PCED1B: variants seen among roughly 807,000 people sequenced by gnomAD.
The protein encoded by PCED1B is PC-esterase domain containing 1B, also known as PC-esterase domain-containing protein 1B.
For missense variants in PCED1B, 573 were observed against 573.9 expected (o/e 1.00, Z 0.02); for synonymous variants, 251 against 246.1 (o/e 1.02, Z -0.19).
At chr12:47,179,137 C>T (rs1389046190) in intron 2 of PCED1B, among the ~76,000 whole-genome samples, 1 of 152,176 alleles carries the variant, frequency 6.6e-6, no homozygotes, top group Admixed American at 6.5e-5. Flanking sequence ...GAGGTTGCAA[C>T]CACAATTTAG....
intron 2 of PCED1B, among the ~76,000 whole-genome samples, chr12:47,177,270 C>T (rs76857934): frequency 3.9e-5 from 6 of 152,184 alleles, no homozygotes; most frequent in Non-Finnish European, 5.9e-5. Flanking sequence ...GCAGTGCCTA[C>T]CTAAATGATT....
At chr12:47,225,229 G>A (rs1347755769) in intron 3 of PCED1B, among the ~76,000 whole-genome samples, 1 of 152,166 alleles carries the variant, frequency 6.6e-6, no homozygotes, top group East Asian at 1.9e-4. Flanking sequence ...ACTGCACCCA[G>A]CCTGGCAATT....
chr12:47,122,372 G>A lies in PCED1B; in HGVS notation c.-526+18177G>A, dbSNP rs140801103. 5.5e-4 allele frequency among the ~76,000 whole-genome samples: 83 copies of A among 152,290 alleles called. 1 individual carries two copies. In the East Asian group the frequency reaches 0.013, roughly 24 times the overall value. The stretch of plus-strand genomic sequence containing the variant: ...AATGTGTCTCCCTGATGGGCAGAAA[G>A]CCAACTGGATCCATATACTCCCTTG... On this transcript the variant is annotated intron_variant, in intron 2 of 3. Transcript: ENST00000546455.
At position 47,235,588 on chromosome 12, in the gene PCED1B, T is replaced by G; in HGVS notation, c.525T>G (p.Gly175=). 1 of 1,604,784 alleles carries G rather than the reference T, an allele frequency of 6.2e-7. No homozygotes were observed. The highest frequency in any genetic ancestry group is 8.5e-7 in the Non-Finnish European group (1 of 1,174,818). The change falls in exon 4 of 4, where the codon GGT becomes GGG. Residue 175 remains glycine (G), a synonymous_variant. Coordinates refer to ENST00000546455, the MANE Select transcript of PCED1B (RefSeq NM_138371.3). ...CTGTGGGCGAGGAAGTCACCGGGGGTTTTCTTCCGCCCAAGCTCCGGCGGC... is the reference window on the plus strand; with the variant it reads ...CTGTGGGCGAGGAAGTCACCGGGGGGTTTCTTCCGCCCAAGCTCCGGCGGC... ...AMPVGEEVTG[G]FLPPKLRRQK... is the part of the protein sequence containing the mutation.
At chr12:47,113,589 A>G (rs997798263) in intron 2 of PCED1B, among the ~76,000 whole-genome samples, 8 of 152,216 alleles carry the variant, frequency 5.3e-5, no homozygotes, top group African/African-American at 1.9e-4. Flanking sequence ...GCTTCAGACA[A>G]TCAGATTTTA....
At chr12:47,158,268 G>T (rs1941258604) in intron 2 of PCED1B, among the ~76,000 whole-genome samples, 1 of 152,148 alleles carries the variant, frequency 6.6e-6, no homozygotes, top group Admixed American at 6.5e-5. Flanking sequence ...AATGCACAAG[G>T]GTTCCAATTT....
At chr12:47,145,429 A>G (rs1184861622) in intron 2 of PCED1B, among the ~76,000 whole-genome samples, 2 of 152,232 alleles carry the variant, frequency 1.3e-5, no homozygotes, top group African/African-American at 4.8e-5. Flanking sequence ...TACACTAAAC[A>G]AGATTTTCAG....
intron 2 of PCED1B, among the ~76,000 whole-genome samples, chr12:47,176,495 T>C (rs1200594469): frequency 6.6e-6 from 1 of 152,228 alleles, no homozygotes; most frequent in Non-Finnish European, 1.5e-5. Context: ...GCTGAACACA[T>C]GGAGGTGCTG....
chr12:47,225,880 C>G (rs528214080), intron 3 of PCED1B, among the ~76,000 whole-genome samples: 30 of 151,806 alleles, frequency 2.0e-4, no homozygotes, highest in Non-Finnish European at 4.1e-4. Context: ...CTTCTTGTAA[C>G]TAAAGATCAA....
chr12:47,093,456 G>C (rs189832720), intron 1 of PCED1B, among the ~76,000 whole-genome samples: 326 of 150,730 alleles, frequency 2.2e-3, no homozygotes, highest in African/African-American at 7.6e-3. Context: ...TATGTTCCTT[G>C]GTTTTTGCTT....
intron 2 of PCED1B, among the ~76,000 whole-genome samples, chr12:47,143,217 G>A (rs978068675): frequency 6.6e-6 from 1 of 152,070 alleles, no homozygotes; most frequent in South Asian, 2.1e-4. Context: ...CCTAGCCAGA[G>A]CAGTTAGGCA....
chr12:47,165,007 T>C (rs1461152023), intron 2 of PCED1B, among the ~76,000 whole-genome samples: 1 of 152,196 alleles, frequency 6.6e-6, no homozygotes, highest in Non-Finnish European at 1.5e-5. Context: ...TCTGGCTTCC[T>C]CTGGTAGCTG....
intron 2 of PCED1B, among the ~76,000 whole-genome samples, chr12:47,141,555 G>A (rs985755352): frequency 2.0e-5 from 3 of 152,278 alleles, no homozygotes; most frequent in African/African-American, 7.2e-5. Flanking sequence ...TCCTGAAGCA[G>A]CTTGGGACCC....
chr12:47,177,650 C>G (rs1263777466), intron 2 of PCED1B, among the ~76,000 whole-genome samples: 1 of 151,960 alleles, frequency 6.6e-6, no homozygotes, highest in Non-Finnish European at 1.5e-5. Flanking sequence ...GGAATGTTCC[C>G]AAAAGAATGT....
chr12:47,151,278 A>G (rs559369754), intron 2 of PCED1B, among the ~76,000 whole-genome samples: 4 of 152,246 alleles, frequency 2.6e-5, no homozygotes, highest in Admixed American at 2.6e-4. Context: ...CTACATTTAA[A>G]TATATTTAGA....
chr12:47,212,941 T>C (rs1031192634), intron 2 of PCED1B, among the ~76,000 whole-genome samples: 5 of 152,320 alleles, frequency 3.3e-5, no homozygotes, highest in South Asian at 4.1e-4. Context: ...CTAGGCTGCA[T>C]TGGAACAGAA....
At chr12:47,115,222 G>A (rs941113111) in intron 2 of PCED1B, among the ~76,000 whole-genome samples, 21 of 152,116 alleles carry the variant, frequency 1.4e-4, no homozygotes, top group African/African-American at 5.1e-4. Flanking sequence ...TACTAATGGT[G>A]GGGGAATTAC....
intron 2 of PCED1B, among the ~76,000 whole-genome samples, chr12:47,167,837 C>T (rs965974617): frequency 6.6e-6 from 1 of 152,116 alleles, no homozygotes; most frequent in South Asian, 2.1e-4. Context: ...CAAAAGAGCA[C>T]CTCCAGAGTA....
intron 2 of PCED1B, among the ~76,000 whole-genome samples, chr12:47,151,696 C>A (rs1441715815): frequency 1.3e-5 from 2 of 152,170 alleles, no homozygotes; most frequent in East Asian, 3.8e-4. Flanking sequence ...AAATTCGAAT[C>A]TGAAGGCCAG....
Sources: gnomAD v4.1 joint callset for allele counts (sites outside exome capture counted in the v4.1 genomes callset) on GRCh38, gnomAD v4.1.1 for gene constraint, MANE v1.5 for transcripts, NCBI Gene and HGNC (gene_info 2026-07-23, HGNC 2026-07-21) for gene names.